The following INPP4B variants were observed in gnomAD, a reference collection of about 807,000 sequenced individuals.
INPP4B encodes inositol polyphosphate-4-phosphatase type II B.
INPP4B carries 55 observed loss-of-function variants against 122.5 expected under a neutral mutation model. The ratio of observed to expected loss-of-function variants is 0.45; its 90% CI spans 0.36 to 0.56. The LOEUF is 0.56. Ranked by LOEUF, INPP4B falls within the 20% of genes least tolerant of loss-of-function variation. INPP4B has a pLI of 0.00. For synonymous variants in INPP4B, 403 were observed against 388.7 expected, an observed-to-expected ratio of 1.04 and a Z score of -0.43; for missense variants, 1,000 against 1,097.7, an observed-to-expected ratio of 0.91 and a Z score of 1.26.
chr4:142,649,128 C>A (rs1752412747), intron 2 of INPP4B, among the ~76,000 whole-genome samples: 1 of 152,166 alleles, frequency 6.6e-6, no homozygotes, highest in Admixed American at 6.5e-5. Context: ...AGCTGAGGGA[C>A]CTGACTGTTC....
chr4:142,536,946 G>A, intron 2 of INPP4B, among the ~76,000 whole-genome samples: 1 of 152,048 alleles, frequency 6.6e-6, no homozygotes, highest in East Asian at 1.9e-4. Context: ...ACAGGCACGT[G>A]CTAGCATACC....
At chr4:142,371,150 G>A (rs921021665) in intron 7 of INPP4B, among the ~76,000 whole-genome samples, 18 of 151,806 alleles carry the variant, frequency 1.2e-4, no homozygotes, top group African/African-American at 4.1e-4. Context: ...TTCAACAAAG[G>A]TACCAAAAAT....
chr4:142,198,477 C>A (rs774549681), intron 14 of INPP4B, among the ~76,000 whole-genome samples: 153 of 151,624 alleles, frequency 1.0e-3, no homozygotes, highest in Admixed American at 3.4e-3. Flanking sequence ...AAAAAGAATA[C>A]TTTTTTCTTA....
chr4:142,488,198 A>C (rs1358807804), intron 2 of INPP4B, among the ~76,000 whole-genome samples: 1 of 152,092 alleles, frequency 6.6e-6, no homozygotes, highest in Non-Finnish European at 1.5e-5. Flanking sequence ...GTTATACAAT[A>C]CATGATTAAT....
intron 2 of INPP4B, among the ~76,000 whole-genome samples, chr4:142,587,112 T>C (rs1223708674): frequency 6.6e-6 from 1 of 152,142 alleles, no homozygotes; most frequent in Non-Finnish European, 1.5e-5. Flanking sequence ...GTGGAATCTT[T>C]TTCCACTATG....
intron 1 of INPP4B, among the ~76,000 whole-genome samples, chr4:142,733,230 T>C (rs563066640): frequency 6.6e-6 from 1 of 152,260 alleles, no homozygotes; most frequent in South Asian, 2.1e-4. Flanking sequence ...AAAATATCTT[T>C]CCCTTTGGGG....
At chr4:142,256,884 T>C (rs7438516) in intron 11 of INPP4B, among the ~76,000 whole-genome samples, 122,619 of 151,966 alleles carry the variant, frequency 0.81, 49,849 homozygotes, top group East Asian at 0.93. Flanking sequence ...ATACCAAAGC[T>C]GGGCAGAGAC....
At chr4:142,652,755 A>C (rs867073783) in intron 2 of INPP4B, among the ~76,000 whole-genome samples, 3 of 152,338 alleles carry the variant, frequency 2.0e-5, no homozygotes, top group Middle Eastern at 3.4e-3. Context: ...CATGGATAGA[A>C]AGAATCAATA....
intron 7 of INPP4B, among the ~76,000 whole-genome samples, chr4:142,339,871 A>G (rs1778078967): frequency 6.6e-6 from 1 of 152,202 alleles, no homozygotes; most frequent in South Asian, 2.1e-4. Flanking sequence ...TATTAAAAAT[A>G]ATAAGTATCT....
intron 23 of INPP4B, among the ~76,000 whole-genome samples, chr4:142,097,029 A>G (rs572386357): frequency 5.9e-5 from 9 of 152,076 alleles, no homozygotes; most frequent in Admixed American, 2.0e-4. Context: ...AAAAAATGCA[A>G]ATGAGGGTTT....
chr4:142,431,117 C>A, intron 4 of INPP4B, 52 bp downstream of exon 4: 1 of 1,378,992 alleles, frequency 7.3e-7, no homozygotes, highest in South Asian at 1.2e-5. Context: ...GTTTCATCGG[C>A]CCAATTTGCA....
At chr4:142,689,570 T>C (rs527830021) in intron 2 of INPP4B, among the ~76,000 whole-genome samples, 1 of 152,298 alleles carries the variant, frequency 6.6e-6, no homozygotes, top group Non-Finnish European at 1.5e-5. Flanking sequence ...CCAAAACTCT[T>C]TGTTTAGGGG....
chr4:142,245,614 G>C (rs562015910), intron 11 of INPP4B, among the ~76,000 whole-genome samples: 1 of 152,102 alleles, frequency 6.6e-6, no homozygotes, highest in South Asian at 2.1e-4. Context: ...ATGAGTTATG[G>C]AGGAGTCCCT....
intron 2 of INPP4B, among the ~76,000 whole-genome samples, chr4:142,605,494 C>T (rs1171136891): frequency 1.3e-5 from 2 of 151,846 alleles, no homozygotes; most frequent in Non-Finnish European, 2.9e-5. Context: ...GAGACAACCT[C>T]TTGAATGAGA....
chr4:142,780,492 A>G (rs1774623721), intron 1 of INPP4B, among the ~76,000 whole-genome samples: 1 of 152,176 alleles, frequency 6.6e-6, no homozygotes, highest in Non-Finnish European at 1.5e-5. Flanking sequence ...TAAGGCATTA[A>G]TAAACTCAAG....
chr4:142,152,691 T>G (rs190235561), intron 17 of INPP4B, among the ~76,000 whole-genome samples: 7 of 152,136 alleles, frequency 4.6e-5, no homozygotes, highest in Non-Finnish European at 1.0e-4. Context: ...ACACCTAGGC[T>G]TAAGCAATCT....
Position 142,246,033 on chromosome 4 carries a change from C to CGTGTGTGTATACACACATTATATATATAT in INPP4B, c.689-8023_689-8022insATATATATATAATGTGTGTATACACACAC, listed in dbSNP as rs1728390604. ...ACACACATGTGTGTATGTACACACACGTGTGTGTATACACACATTATATAT... is the reference window on the plus strand; with the variant it reads ...ACACACATGTGTGTATGTACACACACGTGTGTGTATACACACATTATATATATATGTGTGTGTATACACACATTATATAT... On this transcript the variant is annotated intron_variant, in intron 11 of 25. Coordinates refer to ENST00000262992, the MANE Select transcript of INPP4B (RefSeq NM_001101669.3). Among the ~76,000 whole-genome samples, 2 of 127,006 alleles carry CGTGTGTGTATACACACATTATATATATAT rather than the reference C, an allele frequency of 1.6e-5. 1 individual carries two copies. The highest frequency in any genetic ancestry group is 6.3e-5 in the African/African-American group (2 of 31,730). 83.3% of individuals were successfully genotyped at this position (127,006 alleles called of 152,430 possible). A position where few individuals can be genotyped will look rare whatever the true frequency, so the allele number is the denominator to read the frequency against.
At position 142,319,109 on chromosome 4, in the gene INPP4B, A is replaced by C. The variant is rs9998766; in HGVS notation, c.373-4347T>G. On this transcript the variant is annotated intron_variant, in intron 7 of 25. Transcript: ENST00000262992. ...GTCTGTTGGAGATCCAGACCCAGAG[A>C]AGGAAAAGGCCATGCTGTCCTGGGT... is the stretch of plus-strand genomic sequence containing the variant. Among the ~76,000 whole-genome samples the C allele has an allele frequency of 8.5e-3, 1,300 of 152,208 alleles. 18 individuals are homozygous for C. Among genetic ancestry groups the C allele is most frequent in the African/African-American group, 0.029 (1,221 of 41,520 alleles).
intron 2 of INPP4B, among the ~76,000 whole-genome samples, chr4:142,676,074 A>G (rs1757719365): frequency 6.6e-6 from 1 of 152,208 alleles, no homozygotes; most frequent in South Asian, 2.1e-4. Flanking sequence ...TTTGCAGATG[A>G]CATGATTGTA....
Sources: allele counts gnomAD v4.1 joint callset (sites outside exome capture counted in the v4.1 genomes callset), GRCh38; gene constraint gnomAD v4.1.1; transcripts MANE v1.5; gene names NCBI Gene and HGNC (gene_info 2026-07-23, HGNC 2026-07-21).